The following FLT1 variants were observed in gnomAD, a reference collection of about 807,000 sequenced individuals.
The protein encoded by FLT1 is fms related receptor tyrosine kinase 1.
A neutral mutation model predicts 156.3 loss-of-function variants in FLT1; 49 were observed. The observed-to-expected ratio is 0.31, with a 90% CI of 0.25 to 0.40. The LOEUF (loss-of-function observed/expected upper bound fraction) is 0.40. FLT1 is among the 10% of genes least tolerant of loss of function. FLT1 has a pLI of 1.00. For synonymous variants in FLT1, 594 were observed against 583.8 expected, an observed-to-expected ratio of 1.02 and a Z score of -0.25; for missense variants, 1,322 against 1,637.2, an observed-to-expected ratio of 0.81 and a Z score of 3.32.
intron 6 of FLT1, among the ~76,000 whole-genome samples, chr13:28,433,205 C>T (rs1877800761): frequency 6.6e-6 from 1 of 152,140 alleles, no homozygotes; most frequent in Admixed American, 6.6e-5. Context: ...ATCATAGTTT[C>T]CCCATCTATA....
intron 17 of FLT1, among the ~76,000 whole-genome samples, chr13:28,335,578 A>G (rs374616824): frequency 2.0e-5 from 3 of 152,124 alleles, no homozygotes; most frequent in South Asian, 4.2e-4. Context: ...TCTACTACCC[A>G]CCACCCCAGG....
intron 15 of FLT1, 34 bp from the exon 16 acceptor site, chr13:28,345,585 C>A (rs1845516980): frequency 8.0e-7 from 1 of 1,249,562 alleles, no homozygotes; most frequent in Non-Finnish European, 1.2e-6. Flanking sequence ...AGTGGTGCAA[C>A]AAAGAAATTC....
intron 12 of FLT1, among the ~76,000 whole-genome samples, chr13:28,395,663 T>C (rs1470489840): frequency 6.6e-6 from 1 of 152,228 alleles, no homozygotes; most frequent in East Asian, 1.9e-4. Context: ...TATTGGACAG[T>C]GGTGGCTTTA....
intron 12 of FLT1, among the ~76,000 whole-genome samples, chr13:28,391,597 C>T (rs961890215): frequency 8.5e-5 from 13 of 152,218 alleles, no homozygotes; most frequent in East Asian, 3.8e-4. Context: ...GTACCTCAAT[C>T]GCCACCTTGG....
chr13:28,333,931 G>C, intron 18 of FLT1, 94 bp downstream of exon 18: 1 of 850,984 alleles, frequency 1.2e-6, no homozygotes, highest in East Asian at 2.4e-5. Context: ...AGAAAAGCTT[G>C]TGTCTGTTCC....
intron 6 of FLT1, among the ~76,000 whole-genome samples, chr13:28,432,435 C>T (rs544358053): frequency 6.6e-6 from 1 of 152,196 alleles, no homozygotes; most frequent in Admixed American, 6.5e-5. Context: ...ACTGAGGGAG[C>T]TTTCTGCAGC....
At chr13:28,366,191 A>G (rs1361169100) in intron 14 of FLT1, among the ~76,000 whole-genome samples, 7 of 152,220 alleles carry the variant, frequency 4.6e-5, no homozygotes, top group African/African-American at 1.7e-4. Context: ...GAAGGCCAAT[A>G]AAAACATGGA....
chr13:28,459,405 G>T (rs1303230077), intron 3 of FLT1, among the ~76,000 whole-genome samples: 1 of 152,204 alleles, frequency 6.6e-6, no homozygotes, highest in Non-Finnish European at 1.5e-5. Context: ...CCTACTGGAA[G>T]ATTAGTGTTA....
rs145453474 is a variant in FLT1 at position 28,473,729 on chromosome 13, A to G, written c.65-6112T>C. ...AAGAAAGAAAGAAAGAAAGAAAGAA[A>G]GAAGGAAGGAAGGAAGGAAGGAAGG... On this transcript the variant is annotated intron_variant, in intron 1 of 29. Coordinates refer to ENST00000282397, the MANE Select transcript of FLT1 (RefSeq NM_002019.4). Among the ~76,000 whole-genome samples, 700 of 84,144 alleles carry G rather than the reference A, an allele frequency of 8.3e-3. 10 individuals are homozygous for G. The highest frequency in any genetic ancestry group is 0.017 in the African/African-American group (309 of 18,522). 55.2% of individuals were successfully genotyped at this position (84,144 alleles called of 152,430 possible).
chr13:28,442,413 G>A (rs1432533218), intron 3 of FLT1, among the ~76,000 whole-genome samples: 2 of 152,112 alleles, frequency 1.3e-5, no homozygotes, highest in African/African-American at 2.4e-5. Flanking sequence ...CTAGACTAAT[G>A]AATACCAATC....
chr13:28,394,271 G>C (rs896835894), intron 12 of FLT1, among the ~76,000 whole-genome samples: 14 of 152,190 alleles, frequency 9.2e-5, no homozygotes, highest in African/African-American at 3.4e-4. Context: ...CTGGACTTGT[G>C]TCAGTTTTAA....
intron 10 of FLT1, among the ~76,000 whole-genome samples, chr13:28,423,116 C>T (rs549928844): frequency 1.3e-3 from 196 of 152,250 alleles, no homozygotes; most frequent in African/African-American, 4.6e-3. Context: ...GCAGGCGGAA[C>T]GTGAAGTTCT....
At chr13:28,477,143 A>C (rs545806726) in intron 1 of FLT1, among the ~76,000 whole-genome samples, 1 of 152,324 alleles carries the variant, frequency 6.6e-6, no homozygotes, top group East Asian at 1.9e-4. Context: ...TATGAGGGAA[A>C]CATGTCTTCC....
At chr13:28,343,607 C>A (rs1872434530) in intron 16 of FLT1, among the ~76,000 whole-genome samples, 1 of 151,842 alleles carries the variant, frequency 6.6e-6, no homozygotes, top group Admixed American at 6.6e-5. Flanking sequence ...CCACGCGCGG[C>A]CTGCCACCAA....
chr13:28,393,693 C>T (rs1223298867), intron 12 of FLT1, among the ~76,000 whole-genome samples: 1 of 152,162 alleles, frequency 6.6e-6, no homozygotes, highest in Non-Finnish European at 1.5e-5. Context: ...CTCAAGTGAT[C>T]TTCCCACCTC....
intron 23 of FLT1, 59 bp from the exon 24 acceptor site, chr13:28,319,593 C>G (rs572343843): frequency 1.8e-5 from 18 of 992,044 alleles, no homozygotes; most frequent in East Asian, 7.2e-5. Flanking sequence ...ACATTCAACC[C>G]GAGTGTCCAT....
At chr13:28,420,082 G>GC (rs1876914787) in intron 10 of FLT1, among the ~76,000 whole-genome samples, 1 of 152,180 alleles carries the variant, frequency 6.6e-6, no homozygotes, top group South Asian at 2.1e-4. Flanking sequence ...TGGCAAAGGG[G>GC]CCTTTGGCAA....
At chr13:28,372,566 G>A (rs868511979) in intron 14 of FLT1, among the ~76,000 whole-genome samples, 8 of 91,474 alleles carry the variant, frequency 8.7e-5, no homozygotes, top group Admixed American at 2.7e-4. Context: ...TAAATAAAAT[G>A]TATATATATA....
At position 28,392,999 on chromosome 13, in the gene FLT1, A is replaced by AC. The variant is rs1379927690; in HGVS notation, c.1661-2896dup. On this transcript the variant is annotated intron_variant, in intron 12 of 29. Coordinates refer to ENST00000282397, the MANE Select transcript of FLT1 (RefSeq NM_002019.4). The stretch of plus-strand genomic sequence containing the variant: ...GGATTTTTCTCCTTAATTCATGTTG[A>AC]CTTTTTTTTTTAGTCTGAGTACAAA... Among the ~76,000 whole-genome samples the AC allele has an allele frequency of 3.3e-5, 5 of 151,836 alleles. No homozygotes were observed. The South Asian group carries it at 6.2e-4, about 19-fold the overall frequency.
Sources: allele counts gnomAD v4.1 joint callset (sites outside exome capture counted in the v4.1 genomes callset), GRCh38; gene constraint gnomAD v4.1.1; transcripts MANE v1.5; gene names NCBI Gene and HGNC (gene_info 2026-07-23, HGNC 2026-07-21).